Variants in DGKI observed in about 807,000 individuals in gnomAD.
The protein encoded by DGKI is DAG kinase iota.
DGKI carries 55 observed loss-of-function variants against 147.5 expected under a neutral mutation model. The observed-to-expected ratio is 0.37, with a 90% CI of 0.30 to 0.47. The LOEUF is 0.47. Among genes scored for constraint, DGKI ranks in the 20% least tolerant of loss-of-function variants. DGKI has a pLI of 1.00. For synonymous variants in DGKI, 469 were observed against 477.1 expected (o/e 0.98, Z 0.22); for missense variants, 1,007 against 1,323.8 (o/e 0.76, Z 3.71).
At chr7:137,601,429 G>C (rs1403762666) in intron 10 of DGKI, among the ~76,000 whole-genome samples, 1 of 152,146 alleles carries the variant, frequency 6.6e-6, no homozygotes, top group Non-Finnish European at 1.5e-5. Flanking sequence ...TGTTTTAGTA[G>C]ATATCGTAAT....
At chr7:137,444,701 CT>C (rs1813645167) in intron 27 of DGKI, among the ~76,000 whole-genome samples, 1 of 152,218 alleles carries the variant, frequency 6.6e-6, no homozygotes, top group African/African-American at 2.4e-5. Flanking sequence ...TTATCAACAA[CT>C]TTTGCAAACT....
rs1585566013 is a variant in DGKI at position 137,846,735 on chromosome 7, G to A, written c.128C>T (p.Ala43Val). 15 of 1,010,398 alleles carry A rather than the reference G, an allele frequency of 1.5e-5. No individual in the cohort carries two copies. The highest frequency in any genetic ancestry group is 5.0e-4 in the Middle Eastern group (1 of 2,020). 62.6% of individuals were successfully genotyped at this position (1,010,398 alleles called of 1,614,324 possible). A position where few individuals can be genotyped will look rare whatever the true frequency, so the allele number is the denominator to read the frequency against. The part of the protein sequence containing the change: ...PPGPCSGAAC[A>V]PSAAAGAGAM... ...GCCCGCTCCGGCGGCCGCGGAGGGA[G>A]CGCAGGCGGCGCCGCTGCAGGGGCC... The change falls in exon 1 of 33, where the codon GCT becomes GTT. Residue 43 changes from alanine to valine, a missense_variant. By Grantham distance (64) the Ala-to-Val change is moderately conservative. This residue lies in a region of DGKI where 137 missense variants were observed against 114.4 expected (regional missense o/e 1.20). Coordinates refer to ENST00000614521, the MANE Select transcript of DGKI (RefSeq NM_001321708.2). This position sits in a 1 kb window ranked among gnomAD's most constrained non-coding sequence, Gnocchi z 4.0.
chr7:137,618,151 A>ATTTTTTTTTTTTTTT (rs1156891729), intron 8 of DGKI, among the ~76,000 whole-genome samples: 1 of 10,446 alleles, frequency 9.6e-5, no homozygotes, highest in African/African-American at 1.3e-4. Context: ...ATATATATAT[A>ATTTTTTTTTTTTTTT]TTTTTTTTTT....
At chr7:137,609,472 A>T in intron 9 of DGKI, 63 bp downstream of exon 9, 1 of 1,300,046 alleles carries the variant, frequency 7.7e-7, no homozygotes, top group Middle Eastern at 1.9e-4. Context: ...CAGATCTCAT[A>T]GGACAGAGTA....
At chr7:137,620,885 A>G (rs1203667482) in intron 7 of DGKI, among the ~76,000 whole-genome samples, 1 of 152,240 alleles carries the variant, frequency 6.6e-6, no homozygotes, top group Non-Finnish European at 1.5e-5. Flanking sequence ...AGTGATTTTA[A>G]AAATTCAACC....
At chr7:137,604,053 G>T (rs957195815) in intron 10 of DGKI, among the ~76,000 whole-genome samples, 2 of 152,104 alleles carry the variant, frequency 1.3e-5, no homozygotes, top group African/African-American at 4.8e-5. Context: ...CCTATCACAG[G>T]AGCTAGTTTG....
chr7:137,543,248 A>G (rs1817760673), intron 20 of DGKI, among the ~76,000 whole-genome samples: 1 of 152,242 alleles, frequency 6.6e-6, no homozygotes, highest in African/African-American at 2.4e-5. Context: ...CCAATCAATT[A>G]TAAAGAATTT....
At chr7:137,654,288 C>A (rs1822140706) in intron 5 of DGKI, among the ~76,000 whole-genome samples, 1 of 152,146 alleles carries the variant, frequency 6.6e-6, no homozygotes, top group African/African-American at 2.4e-5. Context: ...TGAAAGCAGA[C>A]CGTCTGACTC....
intron 30 of DGKI, among the ~76,000 whole-genome samples, chr7:137,398,888 A>C (rs1041733860): frequency 1.3e-5 from 2 of 152,022 alleles, no homozygotes; most frequent in Non-Finnish European, 2.9e-5. Context: ...TATATCATCT[A>C]GATTTCTAGG....
intron 5 of DGKI, among the ~76,000 whole-genome samples, chr7:137,645,875 C>T (rs919985399): frequency 2.0e-5 from 3 of 152,170 alleles, no homozygotes; most frequent in Non-Finnish European, 4.4e-5. Context: ...CATGAATCTA[C>T]GTGGACAAAT....
chr7:137,463,327 T>C (rs1244006206), intron 27 of DGKI, among the ~76,000 whole-genome samples, 162 bp downstream of exon 27: 1 of 152,004 alleles, frequency 6.6e-6, no homozygotes, highest in Non-Finnish European at 1.5e-5. Context: ...GGTAGATAAA[T>C]ATGAGCAAGG....
chr7:137,778,502 A>T (rs191497659), intron 1 of DGKI, among the ~76,000 whole-genome samples: 8 of 152,206 alleles, frequency 5.3e-5, no homozygotes, highest in Middle Eastern at 6.8e-3. Context: ...GAGATGAAAG[A>T]GGAGGCAAGA....
chr7:137,405,420 G>C (rs577991072), intron 30 of DGKI, among the ~76,000 whole-genome samples: 2 of 152,032 alleles, frequency 1.3e-5, no homozygotes, highest in Non-Finnish European at 2.9e-5. Flanking sequence ...ATTTTTATTT[G>C]TGAAACTGGG....
At chr7:137,788,635 T>TACATAC (rs753484895) in intron 1 of DGKI, among the ~76,000 whole-genome samples, 70 of 120,214 alleles carry the variant, frequency 5.8e-4, no homozygotes, top group African/African-American at 2.5e-3. Context: ...AACCCATAAA[T>TACATAC]ACACACACAC....
At chr7:137,703,579 G>C (rs960658888) in intron 1 of DGKI, among the ~76,000 whole-genome samples, 2 of 152,174 alleles carry the variant, frequency 1.3e-5, no homozygotes, top group African/African-American at 4.8e-5. Flanking sequence ...GACACTTACT[G>C]TACTCAGGTA....
At chr7:137,675,978 T>G (rs2116378683) in intron 3 of DGKI, among the ~76,000 whole-genome samples, 1 of 152,324 alleles carries the variant, frequency 6.6e-6, no homozygotes, top group African/African-American at 2.4e-5. Flanking sequence ...CTAACATTTC[T>G]TTACAACAAG....
At chr7:137,492,026 G>T (rs971872192) in intron 21 of DGKI, among the ~76,000 whole-genome samples, 1 of 152,140 alleles carries the variant, frequency 6.6e-6, no homozygotes, top group African/African-American at 2.4e-5. Flanking sequence ...GCCAGAAATG[G>T]GACATATCTA....
chr7:137,517,315 GAAAGAAAGAA>G (rs1422502679), intron 21 of DGKI, among the ~76,000 whole-genome samples: 3 of 99,366 alleles, frequency 3.0e-5, no homozygotes, highest in African/African-American at 1.3e-4. Context: ...AAGAAAGAAA[GAAAGAAAGAA>G]AGAAAGAAAG....
intron 7 of DGKI, 72 bp from the exon 8 acceptor site, chr7:137,620,012 TACACACGCACACACACAC>T: frequency 2.8e-6 from 2 of 715,014 alleles, no homozygotes; most frequent in Non-Finnish European, 4.7e-6. Flanking sequence ...GATAAATATG[TACACACGCACACACACAC>T]ACACACACAC....
Sources: allele counts gnomAD v4.1 joint callset (sites outside exome capture counted in the v4.1 genomes callset), GRCh38; gene constraint gnomAD v4.1.1; regional missense constraint gnomAD v4.1.1; non-coding constraint Gnocchi (gnomAD v3.1); transcripts MANE v1.5; gene names NCBI Gene and HGNC (gene_info 2026-07-23, HGNC 2026-07-21).